GPHN: variants seen among roughly 807,000 people sequenced by gnomAD.
GPHN encodes gephyrin.
Under a neutral mutation model 95.5 loss-of-function variants are expected in GPHN, and 17 were observed. The ratio of observed to expected loss-of-function variants is 0.18; its 90% CI spans 0.12 to 0.27. The LOEUF (loss-of-function observed/expected upper bound fraction) is 0.27. Ranked by LOEUF, GPHN falls within the 10% of genes least tolerant of loss-of-function variation. GPHN has a pLI of 1.00. For synonymous variants in GPHN, 320 were observed against 322.5 expected (o/e 0.99, Z 0.08); for missense variants, 660 against 978.1 (o/e 0.67, Z 4.34).
the GPHN span, among the ~76,000 whole-genome samples, chr14:67,704,824 C>T: frequency 6.6e-6 from 1 of 152,254 alleles, no homozygotes; most frequent in Non-Finnish European, 1.5e-5. Flanking sequence ...TACCACGTAG[C>T]CAAGGAGGAA....
At chr14:66,960,657 A>G (rs1365626711) in intron 8 of GPHN, among the ~76,000 whole-genome samples, 1 of 152,084 alleles carries the variant, frequency 6.6e-6, no homozygotes, top group African/African-American at 2.4e-5. Flanking sequence ...CTCTTTGTAT[A>G]TGTTAGGTCA....
At chr14:67,430,267 A>C in the GPHN span, among the ~76,000 whole-genome samples, 2 of 152,206 alleles carry the variant, frequency 1.3e-5, no homozygotes, top group African/African-American at 4.8e-5. Context: ...AGGTTCATCT[A>C]TACAGAGTCA....
At chr14:66,517,111 A>G (rs1178913025) in intron 1 of GPHN, among the ~76,000 whole-genome samples, 1 of 140,024 alleles carries the variant, frequency 7.1e-6, no homozygotes, top group Non-Finnish European at 1.5e-5. Context: ...CTGGCCACAC[A>G]GTGAGACTCC....
At chr14:67,429,876 C>T in the GPHN span, among the ~76,000 whole-genome samples, 8 of 152,168 alleles carry the variant, frequency 5.3e-5, no homozygotes, top group African/African-American at 1.9e-4. Flanking sequence ...AACAGCGCTA[C>T]AAGTAACAGC....
At chr14:67,081,229 A>G (rs1162176125) in intron 11 of GPHN, among the ~76,000 whole-genome samples, 2 of 152,228 alleles carry the variant, frequency 1.3e-5, no homozygotes, top group African/African-American at 4.8e-5. Flanking sequence ...TTCTACCAGC[A>G]GTGTAAAAGT....
At chr14:67,381,538 A>G in the GPHN span, 2 of 1,410,040 alleles carry the variant, frequency 1.4e-6, no homozygotes, top group Non-Finnish European at 2.0e-6. Context: ...ATTTCCTTTA[A>G]ACTTTTAAAT....
At chr14:67,627,307 T>C in the GPHN span, among the ~76,000 whole-genome samples, 2 of 147,104 alleles carry the variant, frequency 1.4e-5, no homozygotes, top group Non-Finnish European at 3.0e-5. Context: ...TTGCTAATAT[T>C]GATCTGTTTT....
chr14:67,009,641 A>G (rs1265520890), intron 9 of GPHN, among the ~76,000 whole-genome samples: 1 of 152,158 alleles, frequency 6.6e-6, no homozygotes, highest in Non-Finnish European at 1.5e-5. Context: ...GGGAATCTAT[A>G]CACAATTGAG....
At chr14:67,667,345 T>A in the GPHN span, among the ~76,000 whole-genome samples, 1 of 152,152 alleles carries the variant, frequency 6.6e-6, no homozygotes, top group African/African-American at 2.4e-5. Flanking sequence ...TGCCTCACTG[T>A]GGCAAAATGG....
At chr14:67,525,643 G>A in the GPHN span, among the ~76,000 whole-genome samples, 1 of 152,236 alleles carries the variant, frequency 6.6e-6, no homozygotes, top group African/African-American at 2.4e-5. Context: ...ACATTTTAGT[G>A]ATTCTTCCCT....
chr14:67,357,802 T>G, the GPHN span, among the ~76,000 whole-genome samples: 1 of 152,160 alleles, frequency 6.6e-6, no homozygotes, highest in Non-Finnish European at 1.5e-5. Flanking sequence ...CTTAAAGTGT[T>G]GGTCAGTGTA....
At chr14:66,769,707 A>G (rs930584251) in intron 2 of GPHN, among the ~76,000 whole-genome samples, 1 of 151,918 alleles carries the variant, frequency 6.6e-6, no homozygotes, top group African/African-American at 2.4e-5. Flanking sequence ...GTATATGTAC[A>G]TTTTCTTTAT....
intron 1 of GPHN, among the ~76,000 whole-genome samples, chr14:66,514,286 G>A (rs1022141155): frequency 1.3e-5 from 2 of 151,984 alleles, no homozygotes; most frequent in African/African-American, 4.8e-5. Context: ...TATATTTCAA[G>A]TGAGCTCCAG....
chr14:67,590,083 T>C, the GPHN span: 1 of 1,550,212 alleles, frequency 6.5e-7, no homozygotes, highest in East Asian at 2.4e-5. Flanking sequence ...CTGGGGCTCA[T>C]GGGCTTGTTG....
intron 1 of GPHN, among the ~76,000 whole-genome samples, chr14:66,638,452 A>AACG (rs1350623437): frequency 1.3e-5 from 2 of 152,086 alleles, no homozygotes; most frequent in Non-Finnish European, 2.9e-5. Flanking sequence ...CAAGAACAAC[A>AACG]ACGACAACAA....
intron 8 of GPHN, among the ~76,000 whole-genome samples, chr14:66,952,006 TTTC>T (rs2068139706): frequency 6.6e-6 from 1 of 152,206 alleles, no homozygotes; most frequent in African/African-American, 2.4e-5. Flanking sequence ...TAAGAAAGGA[TTTC>T]TTTTTTAATT....
chr14:67,332,957 A>G, the GPHN span: 3 of 1,602,050 alleles, frequency 1.9e-6, no homozygotes, highest in Non-Finnish European at 2.6e-6. Flanking sequence ...GCTGAGGTGA[A>G]AGAAACATCC....
At chr14:67,247,284 G>A in the GPHN span, among the ~76,000 whole-genome samples, 1 of 152,036 alleles carries the variant, frequency 6.6e-6, no homozygotes, top group African/African-American at 2.4e-5. Context: ...TGGTCCTATT[G>A]TAAATGGTAA....
At chr14:66,818,259 T>A (rs2153488192) in intron 3 of GPHN, among the ~76,000 whole-genome samples, 1 of 152,206 alleles carries the variant, frequency 6.6e-6, no homozygotes, top group Middle Eastern at 3.4e-3. Context: ...CTCTCCCTCC[T>A]CTCACCCTCC....
Sources: gnomAD v4.1 joint callset for allele counts (sites outside exome capture counted in the v4.1 genomes callset) on GRCh38, gnomAD v4.1.1 for gene constraint, MANE v1.5 for transcripts, NCBI Gene and HGNC (gene_info 2026-07-23, HGNC 2026-07-21) for gene names.